Variants in CADPS observed in about 807,000 individuals in gnomAD.
The protein encoded by CADPS is calcium-dependent secretion activator 1.
In CADPS, 57 loss-of-function variants were observed where a neutral mutation model predicts 167.3. That is an observed-to-expected ratio of 0.34 (90% CI 0.28 to 0.42). The LOEUF is 0.42. CADPS is among the 20% of genes least tolerant of loss of function. The pLI is 1.00. For missense variants in CADPS, 1,414 were observed against 1,738.1 expected (o/e 0.81, Z 3.32); for synonymous variants, 676 against 635.3 (o/e 1.06, Z -0.96).
chr3:62,516,228 G>T, intron 15 of CADPS, 46 bp from the exon 16 acceptor site: 1 of 1,608,236 alleles, frequency 6.2e-7, no homozygotes, highest in Non-Finnish European at 8.5e-7. Flanking sequence ...TCAAGCAAAT[G>T]TGTCACTCAT....
chr3:62,547,906 T>C (rs560888479), intron 11 of CADPS, among the ~76,000 whole-genome samples: 4 of 152,022 alleles, frequency 2.6e-5, no homozygotes, highest in Non-Finnish European at 5.9e-5. Context: ...CTTATACTAG[T>C]GAGGAAAAAG....
intron 9 of CADPS, among the ~76,000 whole-genome samples, chr3:62,566,065 T>C (rs1326319078): frequency 1.3e-5 from 2 of 152,256 alleles, no homozygotes; most frequent in African/African-American, 2.4e-5. Flanking sequence ...GCTAGCTCTC[T>C]ACATAAACAC....
chr3:62,495,675 A>T (rs1279788881), intron 18 of CADPS, among the ~76,000 whole-genome samples: 1 of 152,222 alleles, frequency 6.6e-6, no homozygotes, highest in African/African-American at 2.4e-5. Flanking sequence ...ACTCCTCTAT[A>T]TACCACAATA....
intron 8 of CADPS, among the ~76,000 whole-genome samples, chr3:62,573,650 G>C (rs1269747292): frequency 6.6e-6 from 1 of 152,102 alleles, no homozygotes; most frequent in Non-Finnish European, 1.5e-5. Flanking sequence ...AACCTATGCT[G>C]CCTGGGATGC....
In CADPS at chr3:62,478,765, T is replaced by C. The variant is rs1330930062; in HGVS notation, c.3174-349A>G. Among the ~76,000 whole-genome samples the C allele has an allele frequency of 6.6e-6, 1 of 152,078 alleles. No homozygotes were observed. Among genetic ancestry groups the C allele is most frequent in the Non-Finnish European group, 1.5e-5 (1 of 68,020 alleles). On this transcript the variant is annotated intron_variant, in intron 22 of 29. Coordinates refer to ENST00000383710, the MANE Select transcript of CADPS (RefSeq NM_003716.4). The surrounding 1 kb of genome is among the most constrained non-coding windows in gnomAD (Gnocchi z 5.7). ...GAAGGCCACGAACCAGGGGGAGAAA[T>C]AGTCTCAACAGATAATAACTACATG...
Position 62,399,231 on chromosome 3 carries a change from T to C in CADPS, c.*175A>G. Reference sequence around the variant, plus strand: ...ATAGACATGGACATCAGGAAATCAGTGGATATGAAGGTCATTTGCTAATCT... The same window carrying C: ...ATAGACATGGACATCAGGAAATCAGCGGATATGAAGGTCATTTGCTAATCT... On this transcript the variant is annotated 3_prime_UTR_variant, in exon 30 of 30. Coordinates refer to ENST00000383710, the MANE Select transcript of CADPS (RefSeq NM_003716.4). This position sits in a 1 kb window ranked among gnomAD's most constrained non-coding sequence, Gnocchi z 5.6. 3.4e-6 allele frequency: 2 copies of C among 589,336 alleles called. No homozygotes were observed. The highest frequency in any genetic ancestry group is 4.3e-5 in the South Asian group (2 of 46,280). The allele number at this position is 589,336 out of a possible 1,614,324, so 36.5% of individuals were successfully genotyped here.
intron 3 of CADPS, among the ~76,000 whole-genome samples, chr3:62,737,441 C>T (rs891369174): frequency 8.6e-5 from 13 of 151,486 alleles, no homozygotes; most frequent in Non-Finnish European, 7.4e-5. Flanking sequence ...GTAATCTAGC[C>T]TGGGCAACAG....
chr3:62,402,280 T>C (rs571341653), intron 29 of CADPS, among the ~76,000 whole-genome samples: 1 of 151,620 alleles, frequency 6.6e-6, no homozygotes, highest in South Asian at 2.1e-4. Flanking sequence ...GCAGGGACTT[T>C]TGGCAAACTG....
chr3:62,825,590 G>C (rs1448290549), intron 1 of CADPS, among the ~76,000 whole-genome samples: 1 of 152,126 alleles, frequency 6.6e-6, no homozygotes, highest in African/African-American at 2.4e-5. Flanking sequence ...TTGTTGGTGA[G>C]GAAAGTGAGG....
At chr3:62,563,005 C>G (rs976570509) in intron 9 of CADPS, among the ~76,000 whole-genome samples, 1 of 152,170 alleles carries the variant, frequency 6.6e-6, no homozygotes, top group African/African-American at 2.4e-5. Context: ...CAGCGGAAAG[C>G]AGAGCCAAAA....
intron 3 of CADPS, among the ~76,000 whole-genome samples, chr3:62,741,176 T>C (rs2080152606): frequency 6.6e-6 from 1 of 152,140 alleles, no homozygotes; most frequent in African/African-American, 2.4e-5. Flanking sequence ...CCTTATTAAA[T>C]GGGTACTATC....
At chr3:62,620,982 T>A (rs2063084257) in intron 6 of CADPS, among the ~76,000 whole-genome samples, 1 of 152,198 alleles carries the variant, frequency 6.6e-6, no homozygotes, top group Non-Finnish European at 1.5e-5. Flanking sequence ...TCCAGTCTTG[T>A]GTAATGCTCT....
chr3:62,575,920 G>A (rs1384395429), intron 8 of CADPS, among the ~76,000 whole-genome samples: 3 of 152,140 alleles, frequency 2.0e-5, no homozygotes, highest in Non-Finnish European at 4.4e-5. Context: ...TTGCTAATTT[G>A]GCACATACCA....
intron 13 of CADPS, among the ~76,000 whole-genome samples, chr3:62,525,900 A>G (rs1056012604): frequency 5.3e-5 from 8 of 152,162 alleles, no homozygotes; most frequent in Non-Finnish European, 7.4e-5. Flanking sequence ...CAATAGGGCA[A>G]TCATTGTGGT....
chr3:62,429,739 G>C (rs182040350), intron 28 of CADPS, among the ~76,000 whole-genome samples: 1 of 151,850 alleles, frequency 6.6e-6, no homozygotes. Flanking sequence ...CTAAGACACA[G>C]AAGTATTGTG....
intron 1 of CADPS, among the ~76,000 whole-genome samples, chr3:62,859,085 T>A (rs1367787735): frequency 6.6e-6 from 1 of 152,062 alleles, no homozygotes; most frequent in Non-Finnish European, 1.5e-5. Context: ...AAGACAGAAA[T>A]GCACAGAGTT....
chr3:62,551,327 T>A (rs947533648), intron 10 of CADPS, among the ~76,000 whole-genome samples: 7 of 152,202 alleles, frequency 4.6e-5, no homozygotes, highest in African/African-American at 1.4e-4. Context: ...CCACTTCCAA[T>A]GAATCATGAA....
At chr3:62,649,258 C>T (rs1273325504) in intron 5 of CADPS, among the ~76,000 whole-genome samples, 1 of 152,056 alleles carries the variant, frequency 6.6e-6, no homozygotes, top group African/African-American at 2.4e-5. Context: ...AGTATACAGT[C>T]CAGGGCTGCA....
At chr3:62,756,346 C>T (rs1424909341) in intron 2 of CADPS, among the ~76,000 whole-genome samples, 2 of 152,208 alleles carry the variant, frequency 1.3e-5, no homozygotes, top group South Asian at 2.1e-4. Context: ...GGATTACAGG[C>T]GTGAGCCACC....
Sources: allele counts gnomAD v4.1 joint callset (sites outside exome capture counted in the v4.1 genomes callset), GRCh38; gene constraint gnomAD v4.1.1; non-coding constraint Gnocchi (gnomAD v3.1); transcripts MANE v1.5; gene names NCBI Gene and HGNC (gene_info 2026-07-23, HGNC 2026-07-21).